The following PTPRN2 variants were observed in gnomAD, a reference collection of about 807,000 sequenced individuals.
PTPRN2 encodes protein tyrosine phosphatase receptor type N2.
In PTPRN2, 74 loss-of-function variants were observed where a neutral mutation model predicts 118.8. The ratio of observed to expected loss-of-function variants is 0.62; its 90% CI spans 0.52 to 0.76. The LOEUF (loss-of-function observed/expected upper bound fraction) is 0.76, where lower values mean the gene tolerates loss of function less well. Ranked by LOEUF, PTPRN2 falls within the 30% of genes least tolerant of loss-of-function variation. The pLI is 0.00. For synonymous variants in PTPRN2, 641 were observed against 608.0 expected, an observed-to-expected ratio of 1.05 and a Z score of -0.80; for missense variants, 1,481 against 1,394.4, an observed-to-expected ratio of 1.06 and a Z score of -0.99.
intron 22 of PTPRN2, among the ~76,000 whole-genome samples, chr7:157,545,304 TACC>T (rs1247170918): frequency 6.9e-6 from 1 of 145,656 alleles, no homozygotes; most frequent in Non-Finnish European, 1.5e-5. Flanking sequence ...TGTGGGTGTG[TACC>T]ACATGCGTGG....
chr7:158,314,948 C>T (rs1802180639), intron 3 of PTPRN2, among the ~76,000 whole-genome samples: 1 of 148,920 alleles, frequency 6.7e-6, no homozygotes, highest in Non-Finnish European at 1.5e-5. Flanking sequence ...CCGGGACCCC[C>T]TAAAGGACAG....
chr7:158,225,606 C>G (rs567780155), intron 3 of PTPRN2, among the ~76,000 whole-genome samples: 1 of 152,116 alleles, frequency 6.6e-6, no homozygotes, highest in African/African-American at 2.4e-5. Flanking sequence ...AATGCAGGTA[C>G]GTAATTAGCT....
At chr7:158,324,249 G>A (rs1265420188) in intron 2 of PTPRN2, among the ~76,000 whole-genome samples, 1 of 152,170 alleles carries the variant, frequency 6.6e-6, no homozygotes, top group African/African-American at 2.4e-5. Flanking sequence ...GGAAGGCAGG[G>A]ATCACAGCTA....
At chr7:157,647,051 GCACTGAACTCGGTGGGTCGGA>G (rs1285975806) in intron 14 of PTPRN2, among the ~76,000 whole-genome samples, 5 of 149,414 alleles carry the variant, frequency 3.3e-5, no homozygotes, top group Admixed American at 1.3e-4. Flanking sequence ...CATCCAGCGT[GCACTGAACTCGGTGGGTCGGA>G]CCCATTCACT....
At chr7:158,091,677 G>A (rs1340442961) in intron 10 of PTPRN2, among the ~76,000 whole-genome samples, 1 of 150,218 alleles carries the variant, frequency 6.7e-6, no homozygotes. Flanking sequence ...TGGTTGGTTG[G>A]GTGGGTGGAT....
chr7:157,640,719 C>A (rs1262141232), intron 14 of PTPRN2, among the ~76,000 whole-genome samples: 2 of 152,184 alleles, frequency 1.3e-5, no homozygotes, highest in Non-Finnish European at 2.9e-5. Flanking sequence ...ACCATCCGAC[C>A]AGCAACAGAC....
At chr7:157,778,703 C>A (rs1803490567) in intron 12 of PTPRN2, among the ~76,000 whole-genome samples, 1 of 150,806 alleles carries the variant, frequency 6.6e-6, no homozygotes, top group African/African-American at 2.4e-5. Flanking sequence ...GCACTGAACG[C>A]CCATGTAAAC....
rs78457760 is a variant in PTPRN2 at position 157,911,893 on chromosome 7, G to A, written c.1724-13156C>T. 2.4e-4 allele frequency among the ~76,000 whole-genome samples: 37 copies of A among 152,154 alleles called. No homozygotes were observed. In the East Asian group the frequency reaches 2.9e-3, roughly 12 times the overall value. ...ACCCTGTGTTCTGAGACTCAGATTCGGTTTTGCATGTCATGGTGGCTCATG... is the reference window on the plus strand; with the variant it reads ...ACCCTGTGTTCTGAGACTCAGATTCAGTTTTGCATGTCATGGTGGCTCATG... On this transcript the variant is annotated intron_variant, in intron 11 of 22. Transcript: ENST00000389418.
In PTPRN2 at chr7:158,480,679, C is replaced by T. The variant is rs932756357; in HGVS notation, c.163+9056G>A. Among the ~76,000 whole-genome samples the T allele has an allele frequency of 4.6e-5, 7 of 152,268 alleles. No individual in the cohort carries two copies. In the East Asian group the frequency reaches 9.6e-4, roughly 21 times the overall value. On this transcript the variant is annotated intron_variant, in intron 2 of 22. Transcript: ENST00000389418. ...AAATTAAAAGTGCTACTCCAGAAAA[C>T]GAGAAAGTGAAACAGCCTTACTGCT...
At chr7:158,286,827 C>T (rs985059062) in intron 3 of PTPRN2, among the ~76,000 whole-genome samples, 3 of 152,154 alleles carry the variant, frequency 2.0e-5, no homozygotes, top group Admixed American at 2.0e-4. Context: ...CTTATAGTGC[C>T]TTTGTCAGCT....
intron 3 of PTPRN2, among the ~76,000 whole-genome samples, chr7:158,312,220 ACAGACACCCACACACATGC>A (rs1801847179): frequency 3.6e-5 from 5 of 140,524 alleles, no homozygotes; most frequent in South Asian, 4.6e-4. Context: ...ACACGTGCTC[ACAGACACCCACACACATGC>A]ACACACACCT....
chr7:157,764,072 AACAC>A lies in PTPRN2; in HGVS notation c.1789-81139_1789-81136del, dbSNP rs900359942. 6.6e-6 allele frequency among the ~76,000 whole-genome samples: 1 copy of A among 152,076 alleles called. No homozygotes were observed. The highest frequency in any genetic ancestry group is 1.5e-5 in the Non-Finnish European group (1 of 67,992). On this transcript the variant is annotated intron_variant, in intron 12 of 22. Coordinates refer to ENST00000389418, the MANE Select transcript of PTPRN2 (RefSeq NM_002847.5). The surrounding 1 kb of genome is among the most constrained non-coding windows in gnomAD (Gnocchi z 4.5). ...GCACCCTCTAGGATGGCCGTAACTA[AACAC>A]ACACACACAACAAAAACGTGCTGGC... is the stretch of plus-strand genomic sequence containing the variant.
At chr7:158,058,063 AAAG>A (rs1809937640) in intron 11 of PTPRN2, among the ~76,000 whole-genome samples, 1 of 152,276 alleles carries the variant, frequency 6.6e-6, no homozygotes, top group African/African-American at 2.4e-5. Flanking sequence ...AAATCTGCAT[AAAG>A]AAGAGTTTTC....
At position 158,441,375 on chromosome 7, in the gene PTPRN2, AGTG is replaced by A. The variant is rs547877831; in HGVS notation, c.163+48357_163+48359del. On this transcript the variant is annotated intron_variant, in intron 2 of 22. Coordinates refer to ENST00000389418, the MANE Select transcript of PTPRN2 (RefSeq NM_002847.5). ...TGGTGATGGTGATGGCAGTGGTGGC[AGTG>A]GTGGTGGTGGTGATAATGATGGTCA... is the stretch of plus-strand genomic sequence containing the variant. 4.7e-3 allele frequency among the ~76,000 whole-genome samples: 634 copies of A among 133,674 alleles called. 6 individuals are homozygous for A. The highest frequency in any genetic ancestry group is 9.5e-3 in the Middle Eastern group (2 of 210). The allele number at this position is 133,674 out of a possible 152,430, so 87.7% of individuals were successfully genotyped here.
At chr7:157,908,788 A>G (rs1010719566) in intron 11 of PTPRN2, among the ~76,000 whole-genome samples, 3 of 152,220 alleles carry the variant, frequency 2.0e-5, no homozygotes, top group African/African-American at 4.8e-5. Flanking sequence ...GAAAATTTTG[A>G]TATTTTGTGA....
rs1802177749 is a variant in PTPRN2, at chr7:157,609,121, A to G, written c.2345-5046T>C. ...TTTCAGGCCGGCCGCGGTGGCTCAC[A>G]CCTATAATCCCAGTACTTTGGGAGG... On this transcript the variant is annotated intron_variant, in intron 15 of 22. Transcript: ENST00000389418. The surrounding 1 kb of genome is among the most constrained non-coding windows in gnomAD (Gnocchi z 4.9). Among the ~76,000 whole-genome samples, 1 of 152,144 alleles carries G rather than the reference A, an allele frequency of 6.6e-6. No homozygotes were observed. Among genetic ancestry groups the G allele is most frequent in the Admixed American group, 6.5e-5 (1 of 15,270 alleles).
chr7:158,436,280 T>C (rs1455878950), intron 2 of PTPRN2, among the ~76,000 whole-genome samples: 3 of 152,256 alleles, frequency 2.0e-5, no homozygotes, highest in Non-Finnish European at 4.4e-5. Flanking sequence ...ACTTTCCTCC[T>C]GCCAGAAGCC....
chr7:158,164,486 C>T (rs1295780131), intron 6 of PTPRN2, among the ~76,000 whole-genome samples: 9 of 148,642 alleles, frequency 6.1e-5, no homozygotes, highest in African/African-American at 1.5e-4. Context: ...AGGAAGGGCT[C>T]GCAGAGCGGG....
chr7:157,738,206 G>A lies in PTPRN2; in HGVS notation c.1789-55269C>T, dbSNP rs371637429. 2.1e-4 allele frequency among the ~76,000 whole-genome samples: 32 copies of A among 152,340 alleles called. No homozygotes were observed. The East Asian group carries it at 4.8e-3, about 23-fold the overall frequency. On this transcript the variant is annotated intron_variant, in intron 12 of 22. Coordinates refer to ENST00000389418, the MANE Select transcript of PTPRN2 (RefSeq NM_002847.5). ...TGTGGCCGTACACAATAAGCTCCAC[G>A]TGACCCAGGGGGACGTATCTGTGTG...
Sources: allele counts gnomAD v4.1 joint callset (sites outside exome capture counted in the v4.1 genomes callset), GRCh38; gene constraint gnomAD v4.1.1; non-coding constraint Gnocchi (gnomAD v3.1); transcripts MANE v1.5; gene names NCBI Gene and HGNC (gene_info 2026-07-23, HGNC 2026-07-21).